ATF1: variants seen among roughly 807,000 people sequenced by gnomAD.
ATF1 encodes the protein cyclic AMP-dependent transcription factor ATF-1.
In ATF1, 16 loss-of-function variants were observed where a neutral mutation model predicts 34.7. That is an observed-to-expected ratio of 0.46 (90% CI 0.31 to 0.70). The LOEUF is 0.70. ATF1 is among the 30% of genes least tolerant of loss of function. The pLI, the probability that ATF1 is intolerant of heterozygous loss-of-function variation, is 0.05. For missense variants in ATF1, 255 were observed against 321.6 expected, an observed-to-expected ratio of 0.79 and a Z score of 1.58; for synonymous variants, 105 against 113.1, an observed-to-expected ratio of 0.93 and a Z score of 0.46.
intron 1 of ATF1, among the ~76,000 whole-genome samples, chr12:50,773,777 A>G (rs1940841506): frequency 6.6e-6 from 1 of 151,566 alleles, no homozygotes; most frequent in Admixed American, 6.6e-5. Flanking sequence ...TTTAGTAGAA[A>G]TGGGGTTTTG....
At chr12:50,800,618 G>T (rs540733815) in intron 3 of ATF1, among the ~76,000 whole-genome samples, 33 of 152,214 alleles carry the variant, frequency 2.2e-4, no homozygotes, top group African/African-American at 6.7e-4. Context: ...ATTCTCATAG[G>T]AATGTGAACC....
Position 50,810,219 on chromosome 12 carries a change from C to CTT in ATF1, c.328+645_328+646dup, listed in dbSNP as rs34461103. 2.8e-3 allele frequency among the ~76,000 whole-genome samples: 354 copies of CTT among 127,406 alleles called. 6 individuals carry two copies. Among genetic ancestry groups the CTT allele is most frequent in the South Asian group, 0.022 (87 of 3,964 alleles). 83.6% of individuals were successfully genotyped at this position (127,406 alleles called of 152,430 possible). On this transcript the variant is annotated intron_variant, in intron 4 of 6. Coordinates refer to ENST00000262053, the MANE Select transcript of ATF1 (RefSeq NM_005171.5). ...ATAATTCCTTTCAGAACATTCCTGG[C>CTT]TTTTTTTTTTTTTTTTGAGGTGGAG...
chr12:50,780,587 C>T (rs1374722035), intron 2 of ATF1, among the ~76,000 whole-genome samples: 1 of 151,602 alleles, frequency 6.6e-6, no homozygotes, highest in East Asian at 1.9e-4. Context: ...GCAGGTAACC[C>T]ACCCACCTTG....
At chr12:50,796,034 C>T (rs929178810) in intron 3 of ATF1, 25 bp downstream of exon 3, 1 of 1,549,594 alleles carries the variant, frequency 6.5e-7, no homozygotes, top group African/African-American at 1.4e-5. Context: ...GTATGAAGCC[C>T]TGCATGTTAT....
At chr12:50,774,873 G>A (rs10876085) in intron 1 of ATF1, among the ~76,000 whole-genome samples, 2 of 150,894 alleles carry the variant, frequency 1.3e-5, no homozygotes, top group Admixed American at 6.6e-5. Flanking sequence ...TCAGCCTCCC[G>A]AGTAGCTGGG....
intron 1 of ATF1, among the ~76,000 whole-genome samples, chr12:50,772,747 T>A (rs1187619549): frequency 6.6e-6 from 1 of 151,950 alleles, no homozygotes; most frequent in Non-Finnish European, 1.5e-5. Flanking sequence ...GGAGTGCGCC[T>A]AGCCTTTTTT....
At chr12:50,805,579 A>G (rs1052663873) in intron 3 of ATF1, among the ~76,000 whole-genome samples, 1 of 151,848 alleles carries the variant, frequency 6.6e-6, no homozygotes, top group African/African-American at 2.4e-5. Context: ...AAAAAAAAAA[A>G]AAACCTTTTG....
intron 2 of ATF1, among the ~76,000 whole-genome samples, chr12:50,782,554 CTTTTTT>C (rs1192258164): frequency 8.0e-6 from 1 of 124,932 alleles, no homozygotes; most frequent in Admixed American, 8.1e-5. Context: ...CACACCCGGC[CTTTTTT>C]TTTTTTTTTT....
intron 3 of ATF1, chr12:50,806,537 G>T: frequency 4.5e-6 from 1 of 221,356 alleles, no homozygotes; most frequent in Non-Finnish European, 9.8e-6. Flanking sequence ...CCAAGGCACA[G>T]CCACGGCAAC....
intron 1 of ATF1, among the ~76,000 whole-genome samples, chr12:50,778,259 C>A (rs1940975648): frequency 8.6e-6 from 1 of 116,122 alleles, no homozygotes; most frequent in Non-Finnish European, 1.7e-5. Context: ...CAGAGTCTCA[C>A]TCTGTCACTA....
At chr12:50,805,111 A>G (rs1941588911) in intron 3 of ATF1, among the ~76,000 whole-genome samples, 2 of 151,966 alleles carry the variant, frequency 1.3e-5, no homozygotes, top group Admixed American at 1.3e-4. Context: ...CCTAATTGAC[A>G]TTTTTATAAC....
rs368181179 is a variant in ATF1 at position 50,814,454 on chromosome 12, C to T, written c.671+15C>T. ...ATGAAAAACAGGTAGGTAGTAAAAT[C>T]GTAGTACCAGAATGGGTAATGTTTT... On this transcript the variant is annotated intron_variant, in intron 6 of 6. Transcript: ENST00000262053. 45 of 1,610,012 alleles carry T rather than the reference C, an allele frequency of 2.8e-5. No individual in the cohort carries two copies. Among genetic ancestry groups the T allele is most frequent in the African/African-American group, 1.3e-4 (10 of 74,796 alleles).
At chr12:50,787,495 G>C (rs910945002) in intron 2 of ATF1, among the ~76,000 whole-genome samples, 4 of 152,136 alleles carry the variant, frequency 2.6e-5, no homozygotes, top group African/African-American at 7.2e-5. Flanking sequence ...CAATTTAGGA[G>C]GCCGAGGCAG....
intron 2 of ATF1, among the ~76,000 whole-genome samples, chr12:50,789,083 G>T (rs1048302511): frequency 3.4e-5 from 5 of 145,600 alleles, no homozygotes; most frequent in Non-Finnish European, 3.0e-5. Context: ...TTTTTTTGTT[G>T]TTTTTTTTTT....
chr12:50,796,157 G>A (rs574569752), intron 3 of ATF1, 148 bp downstream of exon 3: 207 of 646,178 alleles, frequency 3.2e-4, no homozygotes, highest in Admixed American at 4.8e-4. Flanking sequence ...CAACCCTTTC[G>A]GAGGCCGAGG....
At chr12:50,782,992 T>C (rs535817373) in intron 2 of ATF1, among the ~76,000 whole-genome samples, 1 of 152,080 alleles carries the variant, frequency 6.6e-6, no homozygotes, top group South Asian at 2.1e-4. Context: ...ACCCGGCTGA[T>C]TTCAGCTGTT....
At chr12:50,797,552 C>A (rs1294474220) in intron 3 of ATF1, among the ~76,000 whole-genome samples, 1 of 152,192 alleles carries the variant, frequency 6.6e-6, no homozygotes, top group African/African-American at 2.4e-5. Flanking sequence ...GATCACAGCT[C>A]ACTGCAGCCT....
At position 50,774,758 on chromosome 12, in the gene ATF1, T is replaced by TTTTTGTTTTTG. The variant is rs1565900224; in HGVS notation, c.-6-5378_-6-5377insGTTTTTGTTTT. Among the ~76,000 whole-genome samples the TTTTTGTTTTTG allele has an allele frequency of 2.6e-5, 4 of 151,560 alleles. No individual in the cohort carries two copies. The East Asian group carries it at 7.7e-4, about 29-fold the overall frequency. Reference sequence around the variant, plus strand: ...GTTTTTTGTTTTTGTTTTTGTTTTTTTTTTTTTGAGACGGAGTCTCACTCT... The same window carrying TTTTTGTTTTTG: ...GTTTTTTGTTTTTGTTTTTGTTTTTTTTTTGTTTTTGTTTTTTTGAGACGGAGTCTCACTCT... On this transcript the variant is annotated intron_variant, in intron 1 of 6. Coordinates refer to ENST00000262053, the MANE Select transcript of ATF1 (RefSeq NM_005171.5).
intron 2 of ATF1, among the ~76,000 whole-genome samples, chr12:50,781,461 T>C (rs570862901): frequency 1.2e-4 from 19 of 152,256 alleles, no homozygotes; most frequent in African/African-American, 4.3e-4. Flanking sequence ...TTTTTGTTTT[T>C]GTTTTTCAAG....
Sources: allele counts gnomAD v4.1 joint callset (sites outside exome capture counted in the v4.1 genomes callset), GRCh38; gene constraint gnomAD v4.1.1; transcripts MANE v1.5; gene names NCBI Gene and HGNC (gene_info 2026-07-23, HGNC 2026-07-21).